Variants in IMPG2 observed in about 807,000 individuals in gnomAD.
IMPG2 encodes IPM 200.
IMPG2 carries 91 observed loss-of-function variants against 129.2 expected under a neutral mutation model. The ratio of observed to expected loss-of-function variants is 0.70; its 90% confidence interval spans 0.59 to 0.84. The LOEUF (loss-of-function observed/expected upper bound fraction) is 0.84. IMPG2 is among the 40% of genes least tolerant of loss of function. IMPG2 has a pLI of 0.00. For synonymous variants in IMPG2, 510 were observed against 517.7 expected, an observed-to-expected ratio of 0.99 and a Z score of 0.20; for missense variants, 1,430 against 1,461.7, an observed-to-expected ratio of 0.98 and a Z score of 0.35.
At chr3:101,230,285 T>C (rs1445907854) in intron 16 of IMPG2, among the ~76,000 whole-genome samples, 2 of 152,250 alleles carry the variant, frequency 1.3e-5, no homozygotes, top group Non-Finnish European at 2.9e-5. Flanking sequence ...TATGTGATTA[T>C]GATCCTTGCA....
In IMPG2 at chr3:101,270,399, C is replaced by G. The variant is rs553234978; in HGVS notation, c.829-826G>C. Among the ~76,000 whole-genome samples, 3 of 152,254 alleles carry G rather than the reference C, an allele frequency of 2.0e-5. No homozygotes were observed. The South Asian group carries it at 6.2e-4, about 32-fold the overall frequency. On this transcript the variant is annotated intron_variant, in intron 7 of 18. Coordinates refer to ENST00000193391, the MANE Select transcript of IMPG2 (RefSeq NM_016247.4). ...ACACCCAGACGAGAGGCCTTGTGGT[C>G]AGGTAACTCCGCTGGTCAAAAGACC... is the stretch of plus-strand genomic sequence containing the variant.
chr3:101,319,352 A>T (rs997798669), intron 2 of IMPG2, among the ~76,000 whole-genome samples: 2 of 152,162 alleles, frequency 1.3e-5, no homozygotes, highest in Non-Finnish European at 2.9e-5. Flanking sequence ...TGTCATTATT[A>T]AATGATATTA....
intron 12 of IMPG2, among the ~76,000 whole-genome samples, chr3:101,245,411 A>G (rs1706465569): frequency 6.6e-6 from 1 of 152,188 alleles, no homozygotes; most frequent in South Asian, 2.1e-4. Context: ...AAATCTTTAG[A>G]CTTGGCCCCC....
rs1429866958 is a variant in IMPG2 at position 101,225,084 on chromosome 3, C to A, written c.*1885G>T. The A allele has an allele frequency of 2.0e-5, 3 of 152,164 alleles. No homozygotes were observed. The East Asian group carries it at 5.8e-4, about 29-fold the overall frequency. The allele number at this position is 152,164 out of a possible 1,614,324, so 9.4% of individuals were successfully genotyped here. ...TGATAAAATACACTTTCATCTAACA[C>A]GTAGTATAGGAAAACAGTTTACAGT... On this transcript the variant is annotated 3_prime_UTR_variant, in exon 19 of 19. Coordinates refer to ENST00000193391, the MANE Select transcript of IMPG2 (RefSeq NM_016247.4).
At chr3:101,229,300 A>ACCCCCCCCCCCCCCCCCCCGGGCCC in intron 17 of IMPG2, 80 bp downstream of exon 17, 2 of 859,118 alleles carry the variant, frequency 2.3e-6, no homozygotes, top group South Asian at 1.3e-5. Flanking sequence ...ACTCATACAC[A>ACCCCCCCCCCCCCCCCCCCGGGCCC]CCCCCACCCA....
intron 11 of IMPG2, among the ~76,000 whole-genome samples, chr3:101,249,794 C>CAAA (rs11393591): frequency 2.2e-5 from 2 of 92,756 alleles, no homozygotes; most frequent in African/African-American, 3.6e-5. Flanking sequence ...TGATTCATGT[C>CAAA]AAAAAAAAAA....
chr3:101,270,846 A>G (rs923388475), intron 7 of IMPG2, among the ~76,000 whole-genome samples: 2 of 152,226 alleles, frequency 1.3e-5, no homozygotes, highest in Non-Finnish European at 2.9e-5. Context: ...TAACAAAAAT[A>G]AACATTTAAT....
At chr3:101,245,156 A>G (rs1706462273) in intron 12 of IMPG2, among the ~76,000 whole-genome samples, 2 of 152,086 alleles carry the variant, frequency 1.3e-5, no homozygotes. Context: ...TTCTCTTTGA[A>G]TTCTCATTTT....
At chr3:101,251,135 G>A (rs1008487278) in intron 11 of IMPG2, among the ~76,000 whole-genome samples, 111 of 152,114 alleles carry the variant, frequency 7.3e-4, no homozygotes, top group African/African-American at 2.6e-3. Context: ...TTAAGAAATT[G>A]AGTTTTATCA....
chr3:101,240,167 G>C (rs534706642), intron 14 of IMPG2, among the ~76,000 whole-genome samples: 1 of 151,756 alleles, frequency 6.6e-6, no homozygotes, highest in African/African-American at 2.4e-5. Context: ...GCCCAGGCTA[G>C]AGTGTAGTCG....
chr3:101,282,699 A>G (rs1706904967), intron 4 of IMPG2, among the ~76,000 whole-genome samples: 1 of 152,162 alleles, frequency 6.6e-6, no homozygotes, highest in Admixed American at 6.5e-5. Flanking sequence ...GAACAAACAA[A>G]ACCACCCAGA....
chr3:101,245,850 G>C lies in IMPG2; in HGVS notation c.1495C>G (p.Pro499Ala). The C allele has an allele frequency of 6.2e-7, 1 of 1,614,146 alleles. No individual in the cohort carries two copies. The highest frequency in any genetic ancestry group is 8.5e-7 in the Non-Finnish European group (1 of 1,180,026). Residue 499 changes from proline to alanine, a missense_variant, in exon 12 of 19, where the codon CCT (proline) becomes GCT (alanine). Pro to Ala is a conservative substitution (Grantham distance 27). Transcript: ENST00000193391. ...GAAGTCCTTTCCTCAGAAGCCACAGGCAAGCCAGTCTGAAGCACTGCCGGG... is the reference window on the plus strand; with the variant it reads ...GAAGTCCTTTCCTCAGAAGCCACAGCCAAGCCAGTCTGAAGCACTGCCGGG... Reference protein sequence around the residue: ...VTPAVLQTGLPVASEERTSGS... With the variant: ...VTPAVLQTGLAVASEERTSGS...
intron 11 of IMPG2, among the ~76,000 whole-genome samples, chr3:101,246,923 C>T (rs1340691156): frequency 6.6e-6 from 1 of 151,826 alleles, no homozygotes; most frequent in Non-Finnish European, 1.5e-5. Flanking sequence ...TATAGCAAGA[C>T]CGCATCTCAA....
chr3:101,284,603 T>C (rs185052868), intron 4 of IMPG2, among the ~76,000 whole-genome samples: 291 of 151,878 alleles, frequency 1.9e-3, no homozygotes, highest in Admixed American at 3.2e-3. Context: ...AAAAGGAGAA[T>C]GCATAAATAT....
chr3:101,310,678 A>T (rs185004454), intron 2 of IMPG2, among the ~76,000 whole-genome samples: 9 of 152,264 alleles, frequency 5.9e-5, no homozygotes, highest in African/African-American at 2.2e-4. Flanking sequence ...TGTTTACGAC[A>T]TCATTCTTTC....
chr3:101,320,228 T>C, intron 1 of IMPG2, 60 bp downstream of exon 1: 1 of 988,866 alleles, frequency 1.0e-6, no homozygotes, highest in Non-Finnish European at 1.6e-6. Context: ...ATAATCCTAT[T>C]TTTGAAGAAC....
At chr3:101,239,598 C>T (rs1461979172) in intron 14 of IMPG2, among the ~76,000 whole-genome samples, 1 of 152,168 alleles carries the variant, frequency 6.6e-6, no homozygotes, top group Non-Finnish European at 1.5e-5. Context: ...ATAAATCATT[C>T]TACTATAAAG....
chr3:101,291,477 A>C lies in IMPG2; in HGVS notation c.533+2T>G. ...TGAATTTTGGGAAAAAGAGACACTC[A>C]CCTGCTTACAGTTTCCTTTGCATAA... On this transcript the variant is annotated splice_donor_variant, in intron 4 of 18. Coordinates refer to ENST00000193391, the MANE Select transcript of IMPG2 (RefSeq NM_016247.4). LOFTEE classifies it high-confidence loss of function. 1.2e-6 allele frequency: 2 copies of C among 1,612,956 alleles called. No individual in the cohort carries two copies. The highest frequency in any genetic ancestry group is 1.7e-6 in the Non-Finnish European group (2 of 1,178,986).
chr3:101,242,771 T>A lies in IMPG2; in HGVS notation c.2939A>T (p.Tyr980Phe). ...GGTACAAAAGTCTTCCAGAATCATGTACACCGCATTGTTGACGTTAGGAGG... is the reference window on the plus strand; with the variant it reads ...GGTACAAAAGTCTTCCAGAATCATGAACACCGCATTGTTGACGTTAGGAGG... The part of the protein sequence containing the change: ...SVPPNVNNAV[Y>F]MILEDFCTTA... The change falls in exon 14 of 19, where the codon TAC (tyrosine) becomes TTC (phenylalanine). Residue 980 changes from tyrosine to phenylalanine, a missense_variant. Transcript: ENST00000193391. 1 of 1,614,030 alleles carries A rather than the reference T, an allele frequency of 6.2e-7. No individual in the cohort carries two copies. The highest frequency in any genetic ancestry group is 8.5e-7 in the Non-Finnish European group (1 of 1,179,910).
Sources: allele counts gnomAD v4.1 joint callset (sites outside exome capture counted in the v4.1 genomes callset), GRCh38; gene constraint gnomAD v4.1.1; transcripts MANE v1.5; gene names NCBI Gene and HGNC (gene_info 2026-07-23, HGNC 2026-07-21).